Variants in PTPRR observed in about 807,000 individuals in gnomAD.
PTPRR encodes protein tyrosine phosphatase receptor type R.
A neutral mutation model predicts 77.2 loss-of-function variants in PTPRR; 38 were observed. The ratio of observed to expected loss-of-function variants is 0.49; its 90% CI spans 0.38 to 0.65. PTPRR has a LOEUF of 0.65. Among genes scored for constraint, PTPRR ranks in the 30% least tolerant of loss-of-function variants. The probability of loss-of-function intolerance (pLI) is 0.00; values close to 1 mark genes in which losing one functional copy is unlikely to be tolerated. For synonymous variants in PTPRR, 299 were observed against 283.1 expected (o/e 1.06, Z -0.57); for missense variants, 744 against 799.2 (o/e 0.93, Z 0.83).
intron 6 of PTPRR, among the ~76,000 whole-genome samples, chr12:70,729,152 T>A (rs1889562648): frequency 6.6e-6 from 1 of 152,136 alleles, no homozygotes; most frequent in Admixed American, 6.5e-5. Flanking sequence ...TATACTAATA[T>A]AAATATATTC....
At chr12:70,648,353 G>C (rs1886275857) in intron 13 of PTPRR, among the ~76,000 whole-genome samples, 1 of 152,174 alleles carries the variant, frequency 6.6e-6, no homozygotes, top group Non-Finnish European at 1.5e-5. Context: ...AGCAAGAGCT[G>C]AGAGGGATCT....
At chr12:70,918,909 A>C (rs1026076884) in intron 1 of PTPRR, among the ~76,000 whole-genome samples, 8 of 152,214 alleles carry the variant, frequency 5.3e-5, no homozygotes, top group South Asian at 2.1e-4. Flanking sequence ...AATTCACTAC[A>C]GCTGTTTGCA....
At chr12:70,835,964 A>C (rs1011968134) in intron 2 of PTPRR, among the ~76,000 whole-genome samples, 1 of 152,066 alleles carries the variant, frequency 6.6e-6, no homozygotes, top group African/African-American at 2.4e-5. Flanking sequence ...TACTTCTGTT[A>C]ACAAGCTCTC....
intron 2 of PTPRR, among the ~76,000 whole-genome samples, chr12:70,853,283 T>C (rs528619440): frequency 2.6e-5 from 4 of 152,230 alleles, no homozygotes; most frequent in Non-Finnish European, 5.9e-5. Context: ...AATAATTAAA[T>C]AATCTGTTCA....
intron 10 of PTPRR, 59 bp from the exon 11 acceptor site, chr12:70,662,664 C>A: frequency 1.0e-6 from 1 of 957,588 alleles, no homozygotes; most frequent in Non-Finnish European, 1.6e-6. Context: ...CCATGGAGTA[C>A]TTTTCATTCA....
chr12:70,747,669 A>G (rs907051377), intron 5 of PTPRR, among the ~76,000 whole-genome samples: 1 of 152,194 alleles, frequency 6.6e-6, no homozygotes, highest in Non-Finnish European at 1.5e-5. Flanking sequence ...CATATTTTCC[A>G]ATCAGTCATC....
At chr12:70,831,721 G>GTGTC (rs1892216215) in intron 2 of PTPRR, among the ~76,000 whole-genome samples, 1 of 152,166 alleles carries the variant, frequency 6.6e-6, no homozygotes, top group Non-Finnish European at 1.5e-5. Context: ...TCACCTGCAT[G>GTGTC]TAGCCACATA....
chr12:70,878,007 C>T (rs1893081933), intron 2 of PTPRR, among the ~76,000 whole-genome samples: 1 of 152,074 alleles, frequency 6.6e-6, no homozygotes, highest in South Asian at 2.1e-4. Flanking sequence ...GGAAAGGATT[C>T]CCTATTTAAC....
At chr12:70,908,810 C>T (rs1324693546) in intron 1 of PTPRR, among the ~76,000 whole-genome samples, 4 of 152,136 alleles carry the variant, frequency 2.6e-5, no homozygotes, top group African/African-American at 4.8e-5. Flanking sequence ...CTTTCATCCA[C>T]CATTTGAAAT....
At chr12:70,888,031 G>GTGTGTGTGTGT (rs1565731135) in intron 2 of PTPRR, among the ~76,000 whole-genome samples, 5 of 43,892 alleles carry the variant, frequency 1.1e-4, no homozygotes, top group African/African-American at 4.6e-4. Context: ...TGTGTGTGTG[G>GTGTGTGTGTGT]GTGTGTGTGT....
chr12:70,735,463 T>C (rs1332039967), intron 6 of PTPRR, among the ~76,000 whole-genome samples: 2 of 152,106 alleles, frequency 1.3e-5, no homozygotes, highest in Non-Finnish European at 2.9e-5. Flanking sequence ...TTATTCACTA[T>C]CATGAGAACA....
Position 70,661,011 on chromosome 12 carries a change from T to C in PTPRR, c.1695A>G (p.Leu565=), listed in dbSNP as rs371515737. 1.2e-6 allele frequency: 2 copies of C among 1,613,516 alleles called. No individual in the cohort carries two copies. The highest frequency in any genetic ancestry group is 2.7e-5 in the African/African-American group (2 of 74,886). The change falls in exon 12 of 14, where the codon CTA becomes CTG. Residue 565 remains leucine (L), a synonymous_variant. Coordinates refer to ENST00000283228, the MANE Select transcript of PTPRR (RefSeq NM_002849.4). The stretch of plus-strand genomic sequence containing the variant: ...CTTCTTCTACATCCAGCATGAGCTG[T>C]AGGAGGGGCTGGGCACTGTCTGGAG... ...HKTPDSAQPL[L]QLMLDVEEDR...
chr12:70,843,571 A>T (rs1006939835), intron 2 of PTPRR, among the ~76,000 whole-genome samples: 4 of 152,150 alleles, frequency 2.6e-5, no homozygotes, highest in Non-Finnish European at 4.4e-5. Context: ...GCCTGCTGAC[A>T]AGTGGATTAA....
chr12:70,859,914 T>C (rs1448733122), intron 2 of PTPRR, among the ~76,000 whole-genome samples: 1 of 152,112 alleles, frequency 6.6e-6, no homozygotes, highest in African/African-American at 2.4e-5. Flanking sequence ...TCTCAACTCA[T>C]AGCTTATTTT....
intron 2 of PTPRR, among the ~76,000 whole-genome samples, chr12:70,787,538 A>G (rs1212095919): frequency 6.6e-6 from 1 of 152,206 alleles, no homozygotes; most frequent in East Asian, 1.9e-4. Context: ...AAAGCTATAT[A>G]AGCAATAAAC....
chr12:70,713,754 T>C (rs530180803), intron 6 of PTPRR, among the ~76,000 whole-genome samples: 24 of 152,298 alleles, frequency 1.6e-4, no homozygotes, highest in African/African-American at 5.8e-4. Context: ...TGTCTTTTTA[T>C]TTTGCGTTGT....
rs536093298 is a variant in PTPRR, at chr12:70,650,190, C to A, written c.1880+6514G>T. ...GGGTGCCATGGCTCATGCCTGCAGT[C>A]CCAGCACTTTGGCAGCCCGAGGCAG... On this transcript the variant is annotated intron_variant, in intron 13 of 13. Transcript: ENST00000283228. 3.8e-3 allele frequency among the ~76,000 whole-genome samples: 584 copies of A among 152,214 alleles called. 4 individuals carry two copies. Among genetic ancestry groups the A allele is most frequent in the African/African-American group, 0.013 (534 of 41,534 alleles).
At chr12:70,901,754 G>C (rs898943363) in intron 1 of PTPRR, among the ~76,000 whole-genome samples, 2 of 151,540 alleles carry the variant, frequency 1.3e-5, no homozygotes, top group Non-Finnish European at 1.5e-5. Flanking sequence ...ATAAATAGTT[G>C]GGACTTAATC....
intron 2 of PTPRR, among the ~76,000 whole-genome samples, chr12:70,812,972 A>G (rs1029539232): frequency 6.6e-5 from 10 of 152,224 alleles, no homozygotes; most frequent in African/African-American, 2.2e-4. Flanking sequence ...TGAGTATCAA[A>G]TTAGTTTTAA....
Sources: allele counts gnomAD v4.1 joint callset (sites outside exome capture counted in the v4.1 genomes callset), GRCh38; gene constraint gnomAD v4.1.1; transcripts MANE v1.5; gene names NCBI Gene and HGNC (gene_info 2026-07-23, HGNC 2026-07-21).